The following PGM5 variants were observed in gnomAD, a reference collection of about 807,000 sequenced individuals.
The protein encoded by PGM5 is phosphoglucomutase-like protein 5.
PGM5 carries 23 observed loss-of-function variants against 59.2 expected under a neutral mutation model. The ratio of observed to expected loss-of-function variants is 0.39; its 90% CI spans 0.28 to 0.55. The LOEUF is 0.55. Ranked by LOEUF, PGM5 falls within the 20% of genes least tolerant of loss-of-function variation. The pLI, the probability that PGM5 is intolerant of heterozygous loss-of-function variation, is 0.66. For synonymous variants in PGM5, 214 were observed against 286.0 expected (o/e 0.75, Z 2.54); for missense variants, 574 against 748.3 (o/e 0.77, Z 2.72).
At chr9:68,471,891 C>A (rs1554686264) in intron 7 of PGM5, among the ~76,000 whole-genome samples, 1 of 151,754 alleles carries the variant, frequency 6.6e-6, no homozygotes, top group Non-Finnish European at 1.5e-5. Flanking sequence ...TGCACTCCAG[C>A]CTGGGTGACA....
rs34377966 is a variant in PGM5, at chr9:68,445,312, C to T, written c.1044-19781C>T. Among the ~76,000 whole-genome samples, 1,332 of 152,274 alleles carry T rather than the reference C, an allele frequency of 8.7e-3. 7 individuals are homozygous for T. Among genetic ancestry groups the T allele is most frequent in the Admixed American group, 0.015 (222 of 15,294 alleles). ...CCCAAGAGTCTGCATTTTTAAACAA[C>T]GTTGTCAGGTAATTCCAATGCAGGT... On this transcript the variant is annotated intron_variant, in intron 6 of 10. Transcript: ENST00000396396.
intron 6 of PGM5, among the ~76,000 whole-genome samples, chr9:68,443,245 G>T (rs7854021): frequency 0.024 from 3,614 of 152,300 alleles, 131 homozygotes; most frequent in African/African-American, 0.08. Flanking sequence ...TGATTTTGCT[G>T]AATGAAAGGA....
Position 68,465,190 on chromosome 9 carries a change from G to A in PGM5, c.1141G>A (p.Glu381Lys). ...MDSGRCNLCG[E>K]ESFGTGSDHL... Reference sequence around the variant, plus strand: ...CTCAGGACGTTGCAATCTGTGTGGGGAAGAGAGCTTTGGCACTGGTAGGCT... The same window carrying A: ...CTCAGGACGTTGCAATCTGTGTGGGAAAGAGAGCTTTGGCACTGGTAGGCT... The change falls in exon 7 of 11, where the codon GAA becomes AAA. Residue 381 changes from glutamate (E) to lysine (K), a missense_variant. Coordinates refer to ENST00000396396, the MANE Select transcript of PGM5 (RefSeq NM_021965.4). 6.2e-7 allele frequency: 1 copy of A among 1,611,860 alleles called. No individual in the cohort carries two copies. Among genetic ancestry groups the A allele is most frequent in the Non-Finnish European group, 8.5e-7 (1 of 1,178,062 alleles).
At chr9:68,490,658 A>T (rs927888453) in intron 9 of PGM5, among the ~76,000 whole-genome samples, 1 of 152,158 alleles carries the variant, frequency 6.6e-6, no homozygotes, top group African/African-American at 2.4e-5. Context: ...CCTGACCTCA[A>T]CTTCAACTTT....
intron 8 of PGM5, among the ~76,000 whole-genome samples, chr9:68,482,827 G>A (rs1204768370): frequency 1.3e-5 from 2 of 152,230 alleles, no homozygotes; most frequent in Non-Finnish European, 2.9e-5. Context: ...CAAGTGCCTG[G>A]CACTGTGCCA....
intron 1 of PGM5, among the ~76,000 whole-genome samples, chr9:68,375,543 G>A (rs1821857113): frequency 6.6e-6 from 1 of 152,116 alleles, no homozygotes; most frequent in African/African-American, 2.4e-5. Flanking sequence ...ATTTCTCCCA[G>A]AGAATCCATT....
intron 10 of PGM5, among the ~76,000 whole-genome samples, chr9:68,521,351 T>C (rs1824896988): frequency 6.6e-6 from 1 of 152,174 alleles, no homozygotes; most frequent in Admixed American, 6.5e-5. Flanking sequence ...AAAATGGCAG[T>C]GAGGACTGAG....
At chr9:68,505,930 A>G (rs1824646899) in intron 10 of PGM5, among the ~76,000 whole-genome samples, 1 of 152,092 alleles carries the variant, frequency 6.6e-6, no homozygotes, top group Non-Finnish European at 1.5e-5. Flanking sequence ...ACCTGAAACT[A>G]TGTTGGGGCC....
At chr9:68,419,383 G>A (rs1280168988) in intron 6 of PGM5, among the ~76,000 whole-genome samples, 2 of 152,170 alleles carry the variant, frequency 1.3e-5, no homozygotes, top group African/African-American at 4.8e-5. Context: ...TGAGCTCCCA[G>A]CCCTTATCTT....
At chr9:68,369,956 G>A (rs561713448) in intron 1 of PGM5, among the ~76,000 whole-genome samples, 1 of 152,224 alleles carries the variant, frequency 6.6e-6, no homozygotes, top group East Asian at 1.9e-4. Flanking sequence ...TCCGTCACCT[G>A]TTTACCCATG....
intron 10 of PGM5, among the ~76,000 whole-genome samples, chr9:68,516,690 G>T (rs1824829704): frequency 6.6e-6 from 1 of 152,096 alleles, no homozygotes; most frequent in Admixed American, 6.5e-5. Flanking sequence ...ACACTCTCAG[G>T]ACTCCACTCA....
chr9:68,483,459 G>A (rs555998064), intron 8 of PGM5, among the ~76,000 whole-genome samples: 92 of 152,316 alleles, frequency 6.0e-4, no homozygotes, highest in African/African-American at 2.2e-3. Flanking sequence ...CCAGAGGCAG[G>A]AAAGGGTGCA....
At chr9:68,496,288 G>A (rs1170757747) in intron 9 of PGM5, among the ~76,000 whole-genome samples, 11 of 152,170 alleles carry the variant, frequency 7.2e-5, no homozygotes, top group African/African-American at 1.9e-4. Context: ...CATTAAGTTC[G>A]TTGAAAGAAC....
intron 7 of PGM5, among the ~76,000 whole-genome samples, chr9:68,471,353 T>C (rs1426098665): frequency 6.6e-6 from 1 of 152,106 alleles, no homozygotes; most frequent in African/African-American, 2.4e-5. Context: ...AAAGTTGTGC[T>C]TCGAGGCTTC....
intron 9 of PGM5, among the ~76,000 whole-genome samples, chr9:68,490,766 C>T (rs1824377672): frequency 6.6e-6 from 1 of 152,152 alleles, no homozygotes; most frequent in African/African-American, 2.4e-5. Flanking sequence ...GTGTGGTTTG[C>T]GCATCTGGAA....
In PGM5 at chr9:68,377,526, C is replaced by T. The variant is rs769054422; in HGVS notation, c.262-673C>T. The stretch of plus-strand genomic sequence containing the variant: ...AGGTGTAGCAATAAATGTTCTTCAG[C>T]GCTGTGTTGCTGACTTTTTAGAAAG... On this transcript the variant is annotated intron_variant, in intron 1 of 10. Transcript: ENST00000396396. Among the ~76,000 whole-genome samples, 218 of 152,200 alleles carry T rather than the reference C, an allele frequency of 1.4e-3. 2 individuals carry two copies. Among genetic ancestry groups the T allele is most frequent in the South Asian group, 1.0e-3 (5 of 4,822 alleles).
chr9:68,482,543 T>A (rs1452710481), intron 8 of PGM5, among the ~76,000 whole-genome samples: 2 of 152,222 alleles, frequency 1.3e-5, no homozygotes, highest in Non-Finnish European at 2.9e-5. Context: ...ACTGGATGTC[T>A]TAAAGATCTT....
chr9:68,416,330 AC>A (rs1823031923), intron 6 of PGM5, among the ~76,000 whole-genome samples: 1 of 152,100 alleles, frequency 6.6e-6, no homozygotes, highest in Admixed American at 6.5e-5. Flanking sequence ...AGCTCCTTTA[AC>A]CCTTGGGGGA....
chr9:68,443,461 T>A (rs1823561806), intron 6 of PGM5, among the ~76,000 whole-genome samples: 1 of 152,342 alleles, frequency 6.6e-6, no homozygotes, highest in South Asian at 2.1e-4. Context: ...CATGTCAAAA[T>A]TTATAAAACA....
Sources: gnomAD v4.1 joint callset for allele counts (sites outside exome capture counted in the v4.1 genomes callset) on GRCh38, gnomAD v4.1.1 for gene constraint, MANE v1.5 for transcripts, NCBI Gene and HGNC (gene_info 2026-07-23, HGNC 2026-07-21) for gene names.